Variants in OTULINL observed in about 807,000 individuals in gnomAD.
The protein encoded by OTULINL is inactive ubiquitin thioesterase OTULINL.
A neutral mutation model predicts 43.9 loss-of-function variants in OTULINL; 42 were observed. The observed-to-expected ratio is 0.96, with a 90% CI of 0.75 to 1.24. OTULINL has a LOEUF of 1.24. Ranked by LOEUF, OTULINL falls within the 50% of genes most tolerant of loss-of-function variation. The pLI is 0.00. For missense variants in OTULINL, 411 were observed against 426.4 expected (o/e 0.96, Z 0.32); for synonymous variants, 172 against 153.6 (o/e 1.12, Z -0.88).
chr5:14,599,838 T>G (rs1759352424), intron 1 of OTULINL, among the ~76,000 whole-genome samples: 1 of 152,222 alleles, frequency 6.6e-6, no homozygotes, highest in Non-Finnish European at 1.5e-5. Context: ...TTCTCTTTTG[T>G]CAAATCAGGA....
In OTULINL at chr5:14,581,919, C is replaced by T; in HGVS notation, c.25C>T (p.Arg9Trp). 1 of 1,408,616 alleles carries T rather than the reference C, an allele frequency of 7.1e-7. No homozygotes were observed. The highest frequency in any genetic ancestry group is 9.2e-7 in the Non-Finnish European group (1 of 1,081,240). 87.3% of individuals were successfully genotyped at this position (1,408,616 alleles called of 1,614,324 possible). ...CATGGCGGCGACAAGGAGCCCCACG[C>T]GGGCAAGGGAGCGGGAGCGGTCTGG... Reference protein sequence around the residue: MAATRSPTRARERERSGAP... With the variant: MAATRSPTWARERERSGAP... Residue 9 changes from arginine (R) to tryptophan (W), a missense_variant, in exon 1 of 8, where the codon CGG becomes TGG. By Grantham distance (101) the Arg-to-Trp change is moderately radical. Coordinates refer to ENST00000274217, the MANE Select transcript of OTULINL (RefSeq NM_019018.3).
rs73752132 is a variant in OTULINL at position 14,601,269 on chromosome 5, C to A, written c.256+25C>A. 3,124 of 1,609,212 alleles carry A rather than the reference C, an allele frequency of 1.9e-3. 50 individuals carry two copies. In the African/African-American group the frequency reaches 0.037, roughly 19 times the overall value. ...AGTAAATATTTTCATTCATTTATTTCTTTATTTTTAAGGTGCAGAGAGGGT... is the reference window on the plus strand; with the variant it reads ...AGTAAATATTTTCATTCATTTATTTATTTATTTTTAAGGTGCAGAGAGGGT... On this transcript the variant is annotated intron_variant, in intron 3 of 7. Coordinates refer to ENST00000274217, the MANE Select transcript of OTULINL (RefSeq NM_019018.3).
Position 14,611,935 on chromosome 5 carries a change from T to A in OTULINL, c.*1621T>A, listed in dbSNP as rs1208962138. ...TCATGTCTGAAATTAGCATTCATAT[T>A]CTTTTGCAATGGGGATGATCAGTCG... On this transcript the variant is annotated 3_prime_UTR_variant, in exon 8 of 8. Transcript: ENST00000274217. 1 of 152,208 alleles carries A rather than the reference T, an allele frequency of 6.6e-6. No homozygotes were observed. The highest frequency in any genetic ancestry group is 1.5e-5 in the Non-Finnish European group (1 of 68,042). The allele number at this position is 152,208 out of a possible 1,614,324, so 9.4% of individuals were successfully genotyped here.
At chr5:14,589,454 G>A (rs1244551426) in intron 1 of OTULINL, among the ~76,000 whole-genome samples, 2 of 152,144 alleles carry the variant, frequency 1.3e-5, no homozygotes, top group Non-Finnish European at 2.9e-5. Flanking sequence ...AGGGGAGGAG[G>A]TGAGAGAAGA....
Position 14,610,473 on chromosome 5 carries a change from TTTC to T in OTULINL, c.*162_*164del, listed in dbSNP as rs1759563949. ...TGGATGCAGCCATGCATGGATGGTT[TTTC>T]TTTATTTTTCAGTGATTTCCTCTGA... On this transcript the variant is annotated 3_prime_UTR_variant, in exon 8 of 8. Transcript: ENST00000274217. 1 of 694,742 alleles carries T rather than the reference TTTC, an allele frequency of 1.4e-6. No individual in the cohort carries two copies. The highest frequency in any genetic ancestry group is 3.0e-5 in the Admixed American group (1 of 33,548). 43.0% of individuals were successfully genotyped at this position (694,742 alleles called of 1,614,324 possible).
In OTULINL at chr5:14,614,302, A is replaced by G. The variant is rs1470010657; in HGVS notation, c.*3988A>G. Among the ~76,000 whole-genome samples the G allele has an allele frequency of 6.6e-6, 1 of 152,214 alleles. No homozygotes were observed. The highest frequency in any genetic ancestry group is 2.4e-5 in the African/African-American group (1 of 41,446). On this transcript the variant is annotated 3_prime_UTR_variant, in exon 8 of 8. Transcript: ENST00000274217. ...TATTTAATTAACTTATTGACTATAT[A>G]TGGGTATACTTTTCTCTATAGCCAT... is the stretch of plus-strand genomic sequence containing the variant.
chr5:14,602,102 C>A (rs1166164556), intron 4 of OTULINL, 81 bp from the exon 5 acceptor site: 22 of 1,124,380 alleles, frequency 2.0e-5, no homozygotes, highest in Non-Finnish European at 2.4e-5. Flanking sequence ...GGGAGGAACA[C>A]CTCACTGAAA....
At chr5:14,589,427 C>A (rs1759160210) in intron 1 of OTULINL, among the ~76,000 whole-genome samples, 1 of 152,074 alleles carries the variant, frequency 6.6e-6, no homozygotes, top group Non-Finnish European at 1.5e-5. Context: ...AGTGAAGGCA[C>A]TCCTCCTATT....
chr5:14,595,608 C>A (rs1579919739), intron 1 of OTULINL, among the ~76,000 whole-genome samples: 2 of 127,050 alleles, frequency 1.6e-5, no homozygotes, highest in African/African-American at 5.7e-5. Context: ...AAAAAAAAAA[C>A]ACTAAGTAGA....
In OTULINL at chr5:14,602,081, C is replaced by G. The variant is rs1759397204; in HGVS notation, c.349-102C>G. 3.7e-6 allele frequency: 3 copies of G among 808,914 alleles called. No individual in the cohort carries two copies. In the East Asian group the frequency reaches 8.6e-5, roughly 23 times the overall value. The allele number at this position is 808,914 out of a possible 1,614,324, so 50.1% of individuals were successfully genotyped here. A position where few individuals can be genotyped will look rare whatever the true frequency, so the allele number is the denominator to read the frequency against. ...CGTAATTTATCATTGTTTCTGTTGT[C>G]CACTTTAGTTGGGAGGAACACCTCA... On this transcript the variant is annotated intron_variant, in intron 4 of 7. Transcript: ENST00000274217.
rs765175782 is a variant in OTULINL, at chr5:14,601,385, C to T, written c.291C>T (p.Leu97=). Reference sequence around the variant, plus strand: ...GTGTGGAGGCAGAGGTTGATTTACTCAGTTATTGTGCAAGAGAATGGAAAG... The same window carrying T: ...GTGTGGAGGCAGAGGTTGATTTACTTAGTTATTGTGCAAGAGAATGGAAAG... The part of the protein sequence containing the change: ...NLSVEAEVDL[L]SYCAREWKGE... The change falls in exon 4 of 8, where the codon CTC becomes CTT. Residue 97 remains leucine (L), a synonymous_variant. Transcript: ENST00000274217. The T allele has an allele frequency of 1.2e-6, 2 of 1,614,086 alleles. No homozygotes were observed. Among genetic ancestry groups the T allele is most frequent in the Admixed American group, 3.3e-5 (2 of 60,010 alleles).
rs1759571747 is a variant in OTULINL, at chr5:14,610,983, T to C, written c.*669T>C. The C allele has an allele frequency of 6.6e-6, 1 of 152,216 alleles. No homozygotes were observed. Among genetic ancestry groups the C allele is most frequent in the African/African-American group, 2.4e-5 (1 of 41,460 alleles). 9.4% of individuals were successfully genotyped at this position (152,216 alleles called of 1,614,324 possible). A position where few individuals can be genotyped will look rare whatever the true frequency, so the allele number is the denominator to read the frequency against. On this transcript the variant is annotated 3_prime_UTR_variant, in exon 8 of 8. Coordinates refer to ENST00000274217, the MANE Select transcript of OTULINL (RefSeq NM_019018.3). ...ATCTCTTTACTTTTTTTGTTACTAT[T>C]TTATCTGGCCAGCTTAATAGTTTTA...
At chr5:14,601,532 A>G in intron 4 of OTULINL, 90 bp downstream of exon 4, 1 of 1,182,492 alleles carries the variant, frequency 8.5e-7, no homozygotes, top group Non-Finnish European at 1.2e-6. Flanking sequence ...CTAAATCCAG[A>G]TATCCATCAG....
In OTULINL at chr5:14,590,974, A is replaced by G. The variant is rs545998363; in HGVS notation, c.64+9016A>G. 3.9e-5 allele frequency among the ~76,000 whole-genome samples: 6 copies of G among 152,342 alleles called. No individual in the cohort carries two copies. In the East Asian group the frequency reaches 1.2e-3, roughly 29 times the overall value. On this transcript the variant is annotated intron_variant, in intron 1 of 7. Transcript: ENST00000274217. ...GAGATGATACATCCATCGAATGTTT[A>G]AAAAACAAACCCACACTGGCTGTGG...
At chr5:14,603,440 A>G (rs551716918) in intron 5 of OTULINL, among the ~76,000 whole-genome samples, 1 of 152,288 alleles carries the variant, frequency 6.6e-6, no homozygotes, top group African/African-American at 2.4e-5. Flanking sequence ...TTGTATTCCC[A>G]CCAACAATGT....
chr5:14,592,516 T>A (rs1209183601), intron 1 of OTULINL, among the ~76,000 whole-genome samples: 1 of 152,180 alleles, frequency 6.6e-6, no homozygotes, highest in Non-Finnish European at 1.5e-5. Context: ...GCTCATCAGA[T>A]GACCAGATCC....
In OTULINL at chr5:14,615,843, T is replaced by A. The variant is rs1209866142; in HGVS notation, c.*5529T>A. Among the ~76,000 whole-genome samples the A allele has an allele frequency of 6.6e-6, 1 of 152,232 alleles. No individual in the cohort carries two copies. Among genetic ancestry groups the A allele is most frequent in the African/African-American group, 2.4e-5 (1 of 41,458 alleles). On this transcript the variant is annotated 3_prime_UTR_variant, in exon 8 of 8. Transcript: ENST00000274217. ...AGACCAGTTAGATTAGTAGTTGCAG[T>A]TGAGACCATTCCTCCTGTATGTCTT...
At position 14,613,465 on chromosome 5, in the gene OTULINL, G is replaced by C. The variant is rs1373600408; in HGVS notation, c.*3151G>C. 6.6e-6 allele frequency among the ~76,000 whole-genome samples: 1 copy of C among 152,164 alleles called. No individual in the cohort carries two copies. The highest frequency in any genetic ancestry group is 1.5e-5 in the Non-Finnish European group (1 of 68,024). On this transcript the variant is annotated 3_prime_UTR_variant, in exon 8 of 8. Transcript: ENST00000274217. ...GCCTCAGTGGAGAAGTACAACCTAA[G>C]AGGGAGTTAGGTACAACCTAGGAGG...
At position 14,612,021 on chromosome 5, in the gene OTULINL, T is replaced by C. The variant is rs1759591306; in HGVS notation, c.*1707T>C. The C allele has an allele frequency of 2.0e-5, 3 of 152,344 alleles. No individual in the cohort carries two copies. Among genetic ancestry groups the C allele is most frequent in the South Asian group, 4.1e-4 (2 of 4,824 alleles). 9.4% of individuals were successfully genotyped at this position (152,344 alleles called of 1,614,324 possible). A position where few individuals can be genotyped will look rare whatever the true frequency, so the allele number is the denominator to read the frequency against. ...TTCCCACTGTCATTTTGTTTTCTGG[T>C]TGAAGATTAATGAGCTCAGCCACAG... On this transcript the variant is annotated 3_prime_UTR_variant, in exon 8 of 8. Coordinates refer to ENST00000274217, the MANE Select transcript of OTULINL (RefSeq NM_019018.3).
Sources: gnomAD v4.1 joint callset for allele counts (sites outside exome capture counted in the v4.1 genomes callset) on GRCh38, gnomAD v4.1.1 for gene constraint, MANE v1.5 for transcripts, NCBI Gene and HGNC (gene_info 2026-07-23, HGNC 2026-07-21) for gene names.